PDE4D: variants seen among roughly 807,000 people sequenced by gnomAD.
PDE4D encodes the protein 3',5'-cyclic-AMP phosphodiesterase 4D.
Under a neutral mutation model 87.4 loss-of-function variants are expected in PDE4D, and 24 were observed. The observed-to-expected ratio is 0.27, with a 90% CI of 0.20 to 0.39. The LOEUF is 0.39. Among genes scored for constraint, PDE4D ranks in the 10% least tolerant of loss-of-function variants. PDE4D has a pLI of 1.00. For synonymous variants in PDE4D, 384 were observed against 383.2 expected (o/e 1.00, Z -0.02); for missense variants, 714 against 1,041.0 (o/e 0.69, Z 4.32).
At chr5:60,000,460 C>T (rs978926599) in intron 2 of PDE4D, among the ~76,000 whole-genome samples, 1 of 152,066 alleles carries the variant, frequency 6.6e-6, no homozygotes, top group African/African-American at 2.4e-5. Flanking sequence ...AGTCTGTCAA[C>T]CAAGCATACT....
intron 1 of PDE4D, among the ~76,000 whole-genome samples, chr5:59,715,091 G>A (rs1168200559): frequency 3.9e-5 from 6 of 152,216 alleles, no homozygotes; most frequent in Admixed American, 2.0e-4. Flanking sequence ...GCTGCCCTTC[G>A]GGCTCATGAG....
intron 5 of PDE4D, among the ~76,000 whole-genome samples, chr5:59,162,347 T>A (rs1387839400): frequency 1.3e-5 from 2 of 152,192 alleles, no homozygotes; most frequent in Non-Finnish European, 2.9e-5. Flanking sequence ...ACATTTATGC[T>A]TAATTAGAGA....
chr5:59,561,939 A>G (rs1433128575), intron 1 of PDE4D, among the ~76,000 whole-genome samples: 1 of 152,042 alleles, frequency 6.6e-6, no homozygotes, highest in Non-Finnish European at 1.5e-5. Flanking sequence ...TCAAAAAAAA[A>G]AAAAAAAATT....
chr5:59,912,044 T>A (rs940145115), intron 3 of PDE4D, among the ~76,000 whole-genome samples: 10 of 152,176 alleles, frequency 6.6e-5, no homozygotes, highest in African/African-American at 2.4e-4. Flanking sequence ...GGAGGAGGCT[T>A]TAAACTAATA....
intron 2 of PDE4D, among the ~76,000 whole-genome samples, chr5:60,164,394 C>T (rs1336583281): frequency 6.6e-6 from 1 of 152,040 alleles, no homozygotes; most frequent in Non-Finnish European, 1.5e-5. Flanking sequence ...CCTTATGTTG[C>T]AAAAACCCAA....
chr5:59,772,835 T>C (rs1433491752), intron 1 of PDE4D, among the ~76,000 whole-genome samples: 1 of 152,232 alleles, frequency 6.6e-6, no homozygotes, highest in Non-Finnish European at 1.5e-5. Flanking sequence ...TGTTGTCTAC[T>C]GGATAAGAAG....
At chr5:59,320,599 G>A (rs998495934) in intron 1 of PDE4D, among the ~76,000 whole-genome samples, 1 of 151,990 alleles carries the variant, frequency 6.6e-6, no homozygotes, top group South Asian at 2.1e-4. Flanking sequence ...AACTTTAAAT[G>A]AACTACTATA....
At chr5:60,183,077 C>A (rs1004085441) in intron 2 of PDE4D, among the ~76,000 whole-genome samples, 1 of 152,010 alleles carries the variant, frequency 6.6e-6, no homozygotes, top group African/African-American at 2.4e-5. Context: ...GAAGCAGCAG[C>A]AGAGATCTTG....
chr5:59,403,069 A>G (rs1445424022), intron 1 of PDE4D, among the ~76,000 whole-genome samples: 1 of 152,002 alleles, frequency 6.6e-6, no homozygotes, highest in Non-Finnish European at 1.5e-5. Context: ...CATTATCACC[A>G]ATTTTTCTAG....
At chr5:60,260,634 T>C (rs10434525) in intron 1 of PDE4D, among the ~76,000 whole-genome samples, 32,210 of 152,036 alleles carry the variant, frequency 0.21, 4,625 homozygotes, top group East Asian at 0.67. Flanking sequence ...TCATGTTCTC[T>C]AAATATCTGT....
At chr5:59,651,298 A>G (rs892426310) in intron 1 of PDE4D, among the ~76,000 whole-genome samples, 3 of 147,702 alleles carry the variant, frequency 2.0e-5, no homozygotes, top group Non-Finnish European at 4.5e-5. Flanking sequence ...TAATAATAAT[A>G]ATAATAATTG....
At position 59,335,642 on chromosome 5, in the gene PDE4D, G is replaced by A. The variant is rs1046992625; in HGVS notation, c.456-119674C>T. Among the ~76,000 whole-genome samples the A allele has an allele frequency of 4.6e-5, 7 of 152,096 alleles. No homozygotes were observed. In the East Asian group the frequency reaches 9.7e-4, roughly 21 times the overall value. ...AAGATTCTGCAGTACCTTCATAAGT[G>A]TCTCCCTCTCAGGGATGAAGTAAGA... On this transcript the variant is annotated intron_variant, in intron 1 of 14. Transcript: ENST00000340635.
intron 1 of PDE4D, among the ~76,000 whole-genome samples, chr5:60,357,806 GTAA>G (rs1024994539): frequency 2.2e-4 from 33 of 152,236 alleles, no homozygotes; most frequent in African/African-American, 7.7e-4. Context: ...AACAACACAA[GTAA>G]TAATAATATG....
At chr5:60,298,302 A>G (rs2149787526) in intron 1 of PDE4D, among the ~76,000 whole-genome samples, 1 of 152,320 alleles carries the variant, frequency 6.6e-6, no homozygotes, top group African/African-American at 2.4e-5. Context: ...CTAAAAGATC[A>G]GAGAAGTTAT....
intron 2 of PDE4D, among the ~76,000 whole-genome samples, chr5:60,174,226 T>C (rs1371159572): frequency 1.3e-5 from 2 of 152,160 alleles, no homozygotes; most frequent in Non-Finnish European, 2.9e-5. Context: ...GGTGTCTTCA[T>C]ACCTTAAAAT....
At chr5:59,515,515 TCA>T (rs1000349776) in intron 1 of PDE4D, among the ~76,000 whole-genome samples, 8 of 152,352 alleles carry the variant, frequency 5.3e-5, no homozygotes, top group African/African-American at 1.9e-4. Flanking sequence ...TTTTTGTTAT[TCA>T]CAGATGATAC....
intron 1 of PDE4D, among the ~76,000 whole-genome samples, chr5:60,378,021 T>C (rs1761558579): frequency 6.6e-6 from 1 of 152,162 alleles, no homozygotes; most frequent in African/African-American, 2.4e-5. Context: ...ATCCTTTGAG[T>C]GCTAGAATAG....
intron 1 of PDE4D, among the ~76,000 whole-genome samples, chr5:59,747,648 T>C (rs1759814656): frequency 6.6e-6 from 1 of 152,152 alleles, no homozygotes. Context: ...TATTATTTTA[T>C]CACAAAATAG....
chr5:59,604,614 C>T (rs1157262485), intron 1 of PDE4D, among the ~76,000 whole-genome samples: 1 of 151,916 alleles, frequency 6.6e-6, no homozygotes, highest in African/African-American at 2.4e-5. Flanking sequence ...GACATGGATG[C>T]AAATAACCAT....
Sources: allele counts gnomAD v4.1 joint callset (sites outside exome capture counted in the v4.1 genomes callset), GRCh38; gene constraint gnomAD v4.1.1; transcripts MANE v1.5; gene names NCBI Gene and HGNC (gene_info 2026-07-23, HGNC 2026-07-21).